DCLRE1A: variants seen among roughly 807,000 people sequenced by gnomAD.
DCLRE1A encodes the protein DNA cross-link repair 1A protein.
Under a neutral mutation model 91.9 loss-of-function variants are expected in DCLRE1A, and 64 were observed. The ratio of observed to expected loss-of-function variants is 0.70; its 90% CI spans 0.57 to 0.86. The LOEUF is 0.86. Ranked by LOEUF, DCLRE1A falls within the 40% of genes least tolerant of loss-of-function variation. The pLI is 0.00. For synonymous variants in DCLRE1A, 416 were observed against 431.1 expected (o/e 0.96, Z 0.43); for missense variants, 1,145 against 1,213.3 (o/e 0.94, Z 0.84).
chr10:113,837,314 G>T, intron 7 of DCLRE1A, 111 bp from the exon 8 acceptor site: 1 of 962,694 alleles, frequency 1.0e-6, no homozygotes, highest in Non-Finnish European at 1.5e-6. Flanking sequence ...TCATTTTTAA[G>T]CATTAGCTTC....
Position 113,844,242 on chromosome 10 carries a change from C to T in DCLRE1A, c.2381G>A (p.Cys794Tyr). 1 of 1,613,764 alleles carries T rather than the reference C, an allele frequency of 6.2e-7. No individual in the cohort carries two copies. The highest frequency in any genetic ancestry group is 1.7e-5 in the Admixed American group (1 of 59,950). ...VKVVLLDANH[C>Y]PGAVMILFYL... ...AAAGAGGATCATGACAGCACCTGGA[C>T]AGCTGAACACAAATGTCAAAGGAAT... The change falls in exon 5 of 9, where the codon TGT (cysteine) becomes TAT (tyrosine). Residue 794 changes from cysteine (C) to tyrosine (Y), a missense_variant and splice_region_variant. Physicochemically the swap from Cys to Tyr is radical, Grantham distance 194 (BLOSUM62 -2). Coordinates refer to ENST00000361384, the MANE Select transcript of DCLRE1A (RefSeq NM_014881.5).
intron 7 of DCLRE1A, among the ~76,000 whole-genome samples, chr10:113,838,531 G>GA (rs1045627828): frequency 6.6e-6 from 1 of 151,962 alleles, no homozygotes; most frequent in Non-Finnish European, 1.5e-5. Context: ...CAAATCTACA[G>GA]AAAAAAAGAC....
chr10:113,852,411 C>T (rs1335259409), intron 1 of DCLRE1A, among the ~76,000 whole-genome samples: 3 of 152,184 alleles, frequency 2.0e-5, no homozygotes, highest in Admixed American at 6.5e-5. Context: ...ATACTAGCTA[C>T]CTTATATGGT....
intron 1 of DCLRE1A, among the ~76,000 whole-genome samples, chr10:113,852,256 A>G (rs1192199362): frequency 6.6e-6 from 1 of 152,216 alleles, no homozygotes; most frequent in African/African-American, 2.4e-5. Context: ...GAATGGCATG[A>G]ACCTAGGAAG....
chr10:113,849,598 C>A lies in DCLRE1A; in HGVS notation c.1507G>T (p.Ala503Ser), dbSNP rs370292907. The stretch of plus-strand genomic sequence containing the variant: ...TCTAATGCCTTTCTGCAGAAACATG[C>A]TGAGTTAGTATTATTCTTAGCATTC... Reference protein sequence around the residue: ...NLNAKNNTNSACFCRKALEGV... With the variant: ...NLNAKNNTNSSCFCRKALEGV... The change falls in exon 2 of 9, where the codon GCA (alanine) becomes TCA (serine). Residue 503 changes from alanine to serine, a missense_variant. Transcript: ENST00000361384. 67 of 1,613,852 alleles carry A rather than the reference C, an allele frequency of 4.2e-5. No individual in the cohort carries two copies. The African/African-American group carries it at 5.3e-4, about 13-fold the overall frequency.
At chr10:113,842,032 C>G (rs992107461) in intron 6 of DCLRE1A, among the ~76,000 whole-genome samples, 1 of 152,134 alleles carries the variant, frequency 6.6e-6, no homozygotes, top group African/African-American at 2.4e-5. Flanking sequence ...TCAAAGAATG[C>G]AGCAATACAA....
At chr10:113,843,609 G>T (rs950236857) in intron 5 of DCLRE1A, among the ~76,000 whole-genome samples, 1 of 152,146 alleles carries the variant, frequency 6.6e-6, no homozygotes, top group African/African-American at 2.4e-5. Context: ...TAAAGCTAGG[G>T]AGAAATACAT....
At chr10:113,837,587 CA>C (rs1236802338) in intron 7 of DCLRE1A, among the ~76,000 whole-genome samples, 1 of 152,088 alleles carries the variant, frequency 6.6e-6, no homozygotes, top group African/African-American at 2.4e-5. Context: ...TATCTCCATG[CA>C]TATACATCAA....
At chr10:113,851,414 GTA>G (rs1845648010) in intron 1 of DCLRE1A, among the ~76,000 whole-genome samples, 1 of 151,786 alleles carries the variant, frequency 6.6e-6, no homozygotes, top group Non-Finnish European at 1.5e-5. Context: ...GCCATATTGA[GTA>G]TTTTTTTATT....
At chr10:113,847,467 C>T in intron 2 of DCLRE1A, 132 bp from the exon 3 acceptor site, 1 of 1,045,556 alleles carries the variant, frequency 9.6e-7, no homozygotes, top group Non-Finnish European at 1.3e-6. Flanking sequence ...ACTTATATCA[C>T]ATAAATTTAA....
In DCLRE1A at chr10:113,849,776, C is replaced by G; in HGVS notation, c.1329G>C (p.Gln443His). ...PEFHSAQSNK[Q>H]KQVIEESSVY... is the part of the protein sequence containing the mutation. ...CAGATGATTCTTCAATTACCTGTTT[C>G]TGTTTATTTGATTGAGCTGAGTGAA... The change falls in exon 2 of 9, where the codon CAG (glutamine) becomes CAC (histidine). Residue 443 changes from glutamine to histidine, a missense_variant. Gln to His is a conservative substitution (Grantham distance 24). Coordinates refer to ENST00000361384, the MANE Select transcript of DCLRE1A (RefSeq NM_014881.5). 1 of 1,614,120 alleles carries G rather than the reference C, an allele frequency of 6.2e-7. No homozygotes were observed. Among genetic ancestry groups the G allele is most frequent in the Non-Finnish European group, 8.5e-7 (1 of 1,180,010 alleles).
intron 6 of DCLRE1A, 119 bp from the exon 7 acceptor site, chr10:113,841,679 CTT>C: frequency 9.7e-7 from 1 of 1,033,086 alleles, no homozygotes; most frequent in South Asian, 1.8e-5. Flanking sequence ...AACATTCACA[CTT>C]TTACCATGAT....
chr10:113,839,978 C>G (rs1450836833), intron 7 of DCLRE1A, among the ~76,000 whole-genome samples: 3 of 152,028 alleles, frequency 2.0e-5, no homozygotes, highest in Non-Finnish European at 4.4e-5. Flanking sequence ...TATTAAAAAC[C>G]AACTTGAATT....
In DCLRE1A at chr10:113,842,485, A is replaced by AT; in HGVS notation, c.2522dup (p.Tyr841Ter). The AT allele has an allele frequency of 1.9e-6, 3 of 1,612,224 alleles. No individual in the cohort carries two copies. The African/African-American group carries it at 4.0e-5, about 21-fold the overall frequency. ...KVHMLYLDTT[Y>*]CSPEYTFPSQ... is the part of the protein sequence containing the mutation. ...ATGGAAAGGTGTATTCTGGGCTACAATATCTGTGGTATGGAAACATGGTAC... is the reference window on the plus strand; with the variant it reads ...ATGGAAAGGTGTATTCTGGGCTACAATTATCTGTGGTATGGAAACATGGTAC... The change falls in exon 6 of 9, where the codon TAT (tyrosine) becomes TAAT (stop). Residue 841 changes from tyrosine to a stop codon, truncating the protein, a stop_gained and frameshift_variant. Coordinates refer to ENST00000361384, the MANE Select transcript of DCLRE1A (RefSeq NM_014881.5). LOFTEE classifies it high-confidence loss of function.
chr10:113,837,483 T>C (rs1397923566), intron 7 of DCLRE1A, among the ~76,000 whole-genome samples: 3 of 152,212 alleles, frequency 2.0e-5, no homozygotes, highest in Non-Finnish European at 2.9e-5. Flanking sequence ...CAAATTACAA[T>C]TCTGATAGCT....
rs960490093 is a variant in DCLRE1A, at chr10:113,834,810, T to C, written c.*342A>G. On this transcript the variant is annotated 3_prime_UTR_variant, in exon 9 of 9. Transcript: ENST00000361384. ...TTAAAGACACATAATTACTTATATATATAATGCTTCAAACTACTTTATTAA... is the reference window on the plus strand; with the variant it reads ...TTAAAGACACATAATTACTTATATACATAATGCTTCAAACTACTTTATTAA... 3 of 166,602 alleles carry C rather than the reference T, an allele frequency of 1.8e-5. No individual in the cohort carries two copies. Among genetic ancestry groups the C allele is most frequent in the Non-Finnish European group, 3.9e-5 (3 of 77,856 alleles). The allele number at this position is 166,602 out of a possible 1,614,324, so 10.3% of individuals were successfully genotyped here. A position where few individuals can be genotyped will look rare whatever the true frequency, so the allele number is the denominator to read the frequency against.
intron 3 of DCLRE1A, among the ~76,000 whole-genome samples, chr10:113,846,836 T>G (rs1845546155): frequency 6.6e-6 from 1 of 152,230 alleles, no homozygotes; most frequent in Non-Finnish European, 1.5e-5. Context: ...TTTTTATTTT[T>G]GAATCTTTTC....
chr10:113,851,856 G>A (rs548359043), intron 1 of DCLRE1A, among the ~76,000 whole-genome samples: 1 of 151,850 alleles, frequency 6.6e-6, no homozygotes, highest in African/African-American at 2.4e-5. Flanking sequence ...CTTCCAAGTA[G>A]CCCACCACAC....
At chr10:113,852,221 G>C (rs1022275889) in intron 1 of DCLRE1A, among the ~76,000 whole-genome samples, 5 of 151,918 alleles carry the variant, frequency 3.3e-5, no homozygotes, top group East Asian at 1.9e-4. Flanking sequence ...CTGTAGTCCC[G>C]GCTACTCGGG....
Sources: allele counts gnomAD v4.1 joint callset (sites outside exome capture counted in the v4.1 genomes callset), GRCh38; gene constraint gnomAD v4.1.1; transcripts MANE v1.5; gene names NCBI Gene and HGNC (gene_info 2026-07-23, HGNC 2026-07-21).